NEDD9: variants seen among roughly 807,000 people sequenced by gnomAD.
NEDD9 encodes enhancer of filamentation 1.
NEDD9 carries 26 observed loss-of-function variants against 76.6 expected under a neutral mutation model. The ratio of observed to expected loss-of-function variants is 0.34; its 90% CI spans 0.25 to 0.47. The LOEUF is 0.47. Among genes scored for constraint, NEDD9 ranks in the 20% least tolerant of loss-of-function variants. The probability of loss-of-function intolerance (pLI) is 1.00; values close to 1 mark genes in which losing one functional copy is unlikely to be tolerated. For missense variants in NEDD9, 937 were observed against 1,058.5 expected (o/e 0.89, Z 1.59); for synonymous variants, 392 against 414.2 (o/e 0.95, Z 0.65).
rs1360772224 is a variant in NEDD9 at position 11,185,201 on chromosome 6, C to T, written c.2466G>A (p.Gln822=). Residue 822 remains glutamine, a synonymous_variant, in exon 7 of 7, where the codon CAG becomes CAA. Transcript: ENST00000379446. The part of the protein sequence containing the change: ...HQVTDLSRNA[Q]LFKRSLLEMA... ...TCTCCAGCAAAGAGCGCTTGAACAG[C>T]TGGGCATTTCTAGAAAGGTCTGTCA... The T allele has an allele frequency of 1.9e-6, 3 of 1,613,940 alleles. No homozygotes were observed. The South Asian group carries it at 3.3e-5, about 18-fold the overall frequency.
In NEDD9 at chr6:11,290,704, G is replaced by C. The variant is rs150650900; in HGVS notation, c.12+15288C>G. ...AATTGGAATTAATAAGGGTGGGCAA[G>C]AGGCCCCTGGGTGAACACTGCGCTG... is the stretch of plus-strand genomic sequence containing the variant. On this transcript the variant is annotated intron_variant, in intron 3 of 3. Coordinates refer to the NEDD9 transcript ENST00000397378. Among the ~76,000 whole-genome samples the C allele has an allele frequency of 3.5e-3, 527 of 152,294 alleles. 5 individuals are homozygous for C. The highest frequency in any genetic ancestry group is 0.012 in the African/African-American group (510 of 41,554).
At chr6:11,195,186 G>A (rs1423060566) in intron 2 of NEDD9, among the ~76,000 whole-genome samples, 1 of 152,330 alleles carries the variant, frequency 6.6e-6, no homozygotes, top group Non-Finnish European at 1.5e-5. Context: ...AAATGCCTGA[G>A]TTCAATTTGG....
intron 3 of NEDD9, among the ~76,000 whole-genome samples, chr6:11,263,215 A>T (rs1760145442): frequency 6.6e-6 from 1 of 152,214 alleles, no homozygotes; most frequent in Non-Finnish European, 1.5e-5. Context: ...AGGATTTTGT[A>T]GCTTTTTTGT....
intron 1 of NEDD9, among the ~76,000 whole-genome samples, chr6:11,353,340 T>A (rs116049771): frequency 6.6e-6 from 1 of 152,168 alleles, no homozygotes; most frequent in Admixed American, 6.5e-5. Context: ...TGATACAATA[T>A]GACTGCTGTT....
chr6:11,255,174 G>A (rs1047819390), intron 3 of NEDD9, among the ~76,000 whole-genome samples: 2 of 152,226 alleles, frequency 1.3e-5, no homozygotes, highest in Non-Finnish European at 2.9e-5. Flanking sequence ...GGCCAGAAAG[G>A]AAGAATCTTA....
chr6:11,305,092 T>C (rs1214003814), intron 3 of NEDD9: 1 of 1,288,384 alleles, frequency 7.8e-7, no homozygotes, highest in Non-Finnish European at 1.0e-6. Context: ...AGAAAGGAGA[T>C]TGGGCTGTTC....
rs1437870144 is a variant in NEDD9 at position 11,213,761 on chromosome 6, G to C, written c.13-34C>G. 6.2e-7 allele frequency: 1 copy of C among 1,602,784 alleles called. No homozygotes were observed. The highest frequency in any genetic ancestry group is 8.5e-7 in the Non-Finnish European group (1 of 1,172,164). On this transcript the variant is annotated intron_variant, in intron 1 of 6. Coordinates refer to ENST00000379446, the MANE Select transcript of NEDD9 (RefSeq NM_006403.4). The surrounding 1 kb of genome is among the most constrained non-coding windows in gnomAD (Gnocchi z 5.4). ...GAAGGAAGAGAAGGAAACCGTGTTA[G>C]AATATTGGGTCGGTCCCTTTATCAC...
chr6:11,193,615 G>T lies in NEDD9; in HGVS notation c.537C>A (p.Ile179=), dbSNP rs1347631684. ...CCCCTTGAGTGGTATGAGAAGGAGG[G>T]ATATCATAGACGTCCTTTTGGTATC... is the stretch of plus-strand genomic sequence containing the variant. The part of the protein sequence containing the change: ...PSRYQKDVYD[I]PPSHTTQGVY... Residue 179 remains isoleucine, a synonymous_variant, in exon 3 of 7, where the codon ATC becomes ATA. Transcript: ENST00000379446. The T allele has an allele frequency of 3.7e-6, 6 of 1,613,514 alleles. No homozygotes were observed. The highest frequency in any genetic ancestry group is 4.2e-6 in the Non-Finnish European group (5 of 1,179,572).
intron 1 of NEDD9, among the ~76,000 whole-genome samples, chr6:11,220,824 C>T (rs1283286286): frequency 6.6e-6 from 1 of 152,198 alleles, no homozygotes; most frequent in African/African-American, 2.4e-5. Context: ...CTTCCCCATA[C>T]TTGAATGAAT....
At chr6:11,344,515 T>C (rs371997480) in intron 1 of NEDD9, among the ~76,000 whole-genome samples, 10 of 152,336 alleles carry the variant, frequency 6.6e-5, no homozygotes, top group African/African-American at 2.4e-4. Flanking sequence ...GGTAAGCAGT[T>C]GATAAAATAA....
intron 2 of NEDD9, among the ~76,000 whole-genome samples, chr6:11,316,158 G>T (rs1281508223): frequency 6.6e-6 from 1 of 152,114 alleles, no homozygotes; most frequent in African/African-American, 2.4e-5. Context: ...TCACCCATCT[G>T]GTATTAATTT....
chr6:11,210,735 G>A (rs1391851866), intron 2 of NEDD9, among the ~76,000 whole-genome samples: 3 of 149,124 alleles, frequency 2.0e-5, no homozygotes, highest in Non-Finnish European at 4.4e-5. Context: ...AAGGGAGGAA[G>A]GGAGGGAGAG....
In NEDD9 at chr6:11,370,434, G is replaced by A. The variant is rs1762840819; in HGVS notation, c.-214+11705C>T. Among the ~76,000 whole-genome samples, 1 of 152,100 alleles carries A rather than the reference G, an allele frequency of 6.6e-6. No homozygotes were observed. The highest frequency in any genetic ancestry group is 2.1e-4 in the South Asian group (1 of 4,822). On this transcript the variant is annotated intron_variant, in intron 1 of 3. Coordinates refer to the NEDD9 transcript ENST00000397378. The surrounding 1 kb of genome is among the most constrained non-coding windows in gnomAD (Gnocchi z 4.2). ...GCCTTTGCCTACAGCACGCACACAC[G>A]GCTGGAGGACGGCTCCCACCCCTGT...
At chr6:11,333,579 G>A (rs573282082) in intron 2 of NEDD9, among the ~76,000 whole-genome samples, 5 of 152,300 alleles carry the variant, frequency 3.3e-5, no homozygotes, top group South Asian at 2.1e-4. Flanking sequence ...TCAGGCAAGC[G>A]GCAGGTGCAG....
At chr6:11,347,182 C>T (rs922633937) in intron 1 of NEDD9, among the ~76,000 whole-genome samples, 13 of 152,232 alleles carry the variant, frequency 8.5e-5, no homozygotes, top group Non-Finnish European at 1.3e-4. Context: ...GTACAAAGAT[C>T]GGATGTCTGG....
At chr6:11,340,327 C>T (rs1762247626) in intron 1 of NEDD9, among the ~76,000 whole-genome samples, 2 of 152,172 alleles carry the variant, frequency 1.3e-5, no homozygotes, top group Non-Finnish European at 2.9e-5. Flanking sequence ...TCAATGTCCA[C>T]AGGGTACAGT....
intron 3 of NEDD9, among the ~76,000 whole-genome samples, chr6:11,254,775 G>C (rs192350523): frequency 2.6e-5 from 4 of 152,294 alleles, no homozygotes; most frequent in Non-Finnish European, 5.9e-5. Flanking sequence ...TCCCCATGGA[G>C]AGAGACCCTC....
chr6:11,339,385 C>A (rs1178803879), intron 1 of NEDD9, among the ~76,000 whole-genome samples: 1 of 152,146 alleles, frequency 6.6e-6, no homozygotes, highest in Admixed American at 6.5e-5. Flanking sequence ...CACTTCTCAG[C>A]CTGGATGAGG....
upstream of NEDD9, among the ~76,000 whole-genome samples, chr6:11,234,300 G>A (rs771219308): frequency 2.9e-4 from 44 of 152,302 alleles, no homozygotes; most frequent in Middle Eastern, 3.4e-3. Context: ...TGTTTTTGGT[G>A]TCTACCTGGA....
Sources: gnomAD v4.1 joint callset for allele counts (sites outside exome capture counted in the v4.1 genomes callset) on GRCh38, gnomAD v4.1.1 for gene constraint, Gnocchi (gnomAD v3.1) non-coding constraint, MANE v1.5 for transcripts, NCBI Gene and HGNC (gene_info 2026-07-23, HGNC 2026-07-21) for gene names.